Variants in TMEM236 observed in about 807,000 individuals in gnomAD.
TMEM236 encodes the protein transmembrane protein 236.
In TMEM236, 11 loss-of-function variants were observed where a neutral mutation model predicts 14.7. The ratio of observed to expected loss-of-function variants is 0.75; its 90% CI spans 0.47 to 1.24. TMEM236 has a LOEUF of 1.24. Among genes scored for constraint, TMEM236 ranks in the 50% most tolerant of loss-of-function variants. The pLI is 0.00. For synonymous variants in TMEM236, 182 were observed against 168.6 expected, an observed-to-expected ratio of 1.08 and a Z score of -0.62; for missense variants, 464 against 427.3, an observed-to-expected ratio of 1.09 and a Z score of -0.76.
intron 3 of TMEM236, among the ~76,000 whole-genome samples, chr10:17,787,152 G>A (rs1021095433): frequency 1.3e-5 from 2 of 152,292 alleles, no homozygotes; most frequent in South Asian, 2.1e-4. Context: ...GACCCCTGAC[G>A]CTACTGGTGC....
In TMEM236 at chr10:17,796,812, G is replaced by A. The variant is rs918041297; in HGVS notation, c.*308G>A. On this transcript the variant is annotated 3_prime_UTR_variant, in exon 4 of 4. Coordinates refer to ENST00000377495, the MANE Select transcript of TMEM236 (RefSeq NM_001098844.3). ...TGGACCATGGTCCCAGTACTGGTCC[G>A]TGATCTGTTAGCAAGCAGACCGCAC... is the stretch of plus-strand genomic sequence containing the variant. 447 of 374,360 alleles carry A rather than the reference G, an allele frequency of 1.2e-3. 1 individual carries two copies. The highest frequency in any genetic ancestry group is 4.4e-3 in the Middle Eastern group (5 of 1,146). 23.2% of individuals were successfully genotyped at this position (374,360 alleles called of 1,614,324 possible).
Position 17,768,392 on chromosome 10 carries a change from C to A in TMEM236, c.258-2917C>A, listed in dbSNP as rs986840988. ...TTAAAAAAGAACCATAAACTGTATA[C>A]AATTTTTTTAAAAAAGACTTTAGGT... On this transcript the variant is annotated intron_variant, in intron 1 of 3. Transcript: ENST00000377495. Among the ~76,000 whole-genome samples, 6 of 151,982 alleles carry A rather than the reference C, an allele frequency of 3.9e-5. No individual in the cohort carries two copies. The South Asian group carries it at 1.0e-3, about 26-fold the overall frequency.
chr10:17,774,681 T>C (rs1221999836), intron 2 of TMEM236, among the ~76,000 whole-genome samples: 1 of 152,226 alleles, frequency 6.6e-6, no homozygotes, highest in Non-Finnish European at 1.5e-5. Context: ...TTTTTAATTT[T>C]CATATAAATT....
At chr10:17,770,584 CAT>C (rs1837554120) in intron 1 of TMEM236, among the ~76,000 whole-genome samples, 1 of 152,134 alleles carries the variant, frequency 6.6e-6, no homozygotes, top group Admixed American at 6.5e-5. Context: ...AGGGTTTCAC[CAT>C]GTTAGCCAGG....
intron 3 of TMEM236, among the ~76,000 whole-genome samples, chr10:17,792,311 G>A (rs1472469045): frequency 2.0e-5 from 3 of 152,160 alleles, no homozygotes; most frequent in South Asian, 2.1e-4. Flanking sequence ...TGATCTGGAT[G>A]TCCTGGCCTC....
chr10:17,759,943 G>A (rs1837332214), intron 1 of TMEM236, among the ~76,000 whole-genome samples: 1 of 133,848 alleles, frequency 7.5e-6, no homozygotes, highest in Non-Finnish European at 1.5e-5. Context: ...AGATAGCGCC[G>A]CTGCAGTCCG....
intron 3 of TMEM236, among the ~76,000 whole-genome samples, chr10:17,781,085 A>G (rs926400826): frequency 7.2e-5 from 11 of 152,156 alleles, no homozygotes; most frequent in African/African-American, 2.7e-4. Context: ...TGGAGCCACC[A>G]TTTTGACCAT....
At chr10:17,774,402 C>A (rs1429379296) in intron 2 of TMEM236, among the ~76,000 whole-genome samples, 1 of 152,170 alleles carries the variant, frequency 6.6e-6, no homozygotes, top group African/African-American at 2.4e-5. Context: ...ATTCACAATA[C>A]ATCTGGAACT....
intron 3 of TMEM236, among the ~76,000 whole-genome samples, chr10:17,791,403 C>T (rs1016044020): frequency 3.8e-4 from 58 of 152,012 alleles, no homozygotes; most frequent in African/African-American, 1.2e-3. Context: ...GGCTGTAGTG[C>T]GCTATGATTG....
intron 1 of TMEM236, 87 bp from the exon 2 acceptor site, chr10:17,771,222 G>T: frequency 8.3e-7 from 1 of 1,203,778 alleles, no homozygotes; most frequent in Non-Finnish European, 1.2e-6. Flanking sequence ...TAGATGAATG[G>T]AACAGGAACT....
intron 1 of TMEM236, among the ~76,000 whole-genome samples, chr10:17,764,837 C>CTTTTTTT (rs1238545582): frequency 4.7e-5 from 6 of 127,392 alleles, no homozygotes; most frequent in East Asian, 2.4e-4. Flanking sequence ...CAGATTTTCC[C>CTTTTTTT]TTTTTTTTTT....
At chr10:17,792,433 G>C (rs1300502665) in intron 3 of TMEM236, among the ~76,000 whole-genome samples, 2 of 152,162 alleles carry the variant, frequency 1.3e-5, no homozygotes, top group African/African-American at 2.4e-5. Flanking sequence ...CTCTTTGCAA[G>C]AGAAATGAAC....
In TMEM236 at chr10:17,798,285, T is replaced by C. The variant is rs2130544423; in HGVS notation, c.*1781T>C. 3.4e-6 allele frequency: 1 copy of C among 294,926 alleles called. No homozygotes were observed. The highest frequency in any genetic ancestry group is 2.2e-5 in the African/African-American group (1 of 45,456). The allele number at this position is 294,926 out of a possible 1,614,324, so 18.3% of individuals were successfully genotyped here. ...CGGCTGTGGTGGCTCACACGTGTAA[T>C]CCCAGCACTTTGGGAGGTTGAGGCA... On this transcript the variant is annotated 3_prime_UTR_variant, in exon 4 of 4. Coordinates refer to ENST00000377495, the MANE Select transcript of TMEM236 (RefSeq NM_001098844.3).
chr10:17,752,242 T>A lies in TMEM236; in HGVS notation c.-54T>A. 6.2e-7 allele frequency: 1 copy of A among 1,613,892 alleles called. No homozygotes were observed. Among genetic ancestry groups the A allele is most frequent in the South Asian group, 1.1e-5 (1 of 91,026 alleles). On this transcript the variant is annotated 5_prime_UTR_variant, in exon 1 of 4. Transcript: ENST00000377495. ...GTTCAGTGTCTGTGGGTCCATATGCTGCCCACAGTCAAAGAGGGAGTCCCA... is the reference window on the plus strand; with the variant it reads ...GTTCAGTGTCTGTGGGTCCATATGCAGCCCACAGTCAAAGAGGGAGTCCCA...
intron 3 of TMEM236, among the ~76,000 whole-genome samples, chr10:17,782,533 A>G (rs946237782): frequency 2.0e-5 from 3 of 152,096 alleles, no homozygotes; most frequent in Non-Finnish European, 4.4e-5. Context: ...GCTCACTGCA[A>G]TCTCTGGTCC....
Position 17,755,918 on chromosome 10 carries a change from TTATA to T in TMEM236, c.257+3367_257+3370del, listed in dbSNP as rs1431286934. 3.3e-5 allele frequency among the ~76,000 whole-genome samples: 5 copies of T among 152,336 alleles called. 1 individual carries two copies. Among genetic ancestry groups the T allele is most frequent in the South Asian group, 4.1e-4 (2 of 4,826 alleles). On this transcript the variant is annotated intron_variant, in intron 1 of 3. Transcript: ENST00000377495. The stretch of plus-strand genomic sequence containing the variant: ...TTATTATTAGGCTATAATTGATTCT[TTATA>T]GATCACTGATTATGTGCCATGTAAG...
chr10:17,756,671 C>T (rs1033634247), intron 1 of TMEM236, among the ~76,000 whole-genome samples: 2 of 152,170 alleles, frequency 1.3e-5, no homozygotes, highest in Non-Finnish European at 2.9e-5. Flanking sequence ...CAGCAGCTCT[C>T]CCAAAGTCAG....
chr10:17,768,425 A>T (rs1362144943), intron 1 of TMEM236, among the ~76,000 whole-genome samples: 1 of 152,180 alleles, frequency 6.6e-6, no homozygotes, highest in Non-Finnish European at 1.5e-5. Flanking sequence ...GGTAATTTTT[A>T]AAATTTGGAT....
chr10:17,778,114 T>C (rs1393020842), intron 3 of TMEM236, among the ~76,000 whole-genome samples: 1 of 152,142 alleles, frequency 6.6e-6, no homozygotes, highest in African/African-American at 2.4e-5. Flanking sequence ...AAATAAGACA[T>C]CTAAAGAAGA....
Sources: gnomAD v4.1 joint callset for allele counts (sites outside exome capture counted in the v4.1 genomes callset) on GRCh38, gnomAD v4.1.1 for gene constraint, MANE v1.5 for transcripts, NCBI Gene and HGNC (gene_info 2026-07-23, HGNC 2026-07-21) for gene names.